RSPH3: variants seen among roughly 807,000 people sequenced by gnomAD.
RSPH3 encodes the protein radial spoke head 3, also known as radial spoke head protein 3 homolog.
Under a neutral mutation model 43.8 loss-of-function variants are expected in RSPH3, and 21 were observed. The observed-to-expected ratio is 0.48, with a 90% confidence interval of 0.34 to 0.69. The LOEUF is 0.69. RSPH3 is among the 30% of genes least tolerant of loss of function. The pLI, the probability that RSPH3 is intolerant of heterozygous loss-of-function variation, is 0.01. For missense variants in RSPH3, 487 were observed against 516.0 expected, an observed-to-expected ratio of 0.94 and a Z score of 0.54; for synonymous variants, 173 against 179.8, an observed-to-expected ratio of 0.96 and a Z score of 0.30.
intron 3 of RSPH3, among the ~76,000 whole-genome samples, chr6:158,984,431 C>CA (rs1778145524): frequency 5.4e-5 from 3 of 55,532 alleles, no homozygotes; most frequent in African/African-American, 2.1e-4. Flanking sequence ...GATAAAAAGT[C>CA]AATTATATAT....
intron 1 of RSPH3, among the ~76,000 whole-genome samples, chr6:158,998,872 AAAC>A (rs1013505771): frequency 1.5e-4 from 23 of 151,506 alleles, no homozygotes; most frequent in African/African-American, 4.9e-4. Context: ...CTCCGTCTCA[AAAC>A]AACAACAGCA....
downstream of RSPH3, among the ~76,000 whole-genome samples, chr6:158,970,814 G>A (rs888456899): frequency 2.6e-5 from 4 of 152,184 alleles, no homozygotes; most frequent in Non-Finnish European, 5.9e-5. Flanking sequence ...GCCTGCCAAA[G>A]TGCTGGGATT....
the RSPH3 span, among the ~76,000 whole-genome samples, chr6:158,967,086 T>C: frequency 1.3e-5 from 2 of 152,130 alleles, no homozygotes; most frequent in African/African-American, 4.8e-5. Flanking sequence ...CATGCATCAC[T>C]GTAGCCTTGA....
At chr6:158,987,879 T>A (rs1330275622) in intron 2 of RSPH3, among the ~76,000 whole-genome samples, 1 of 152,248 alleles carries the variant, frequency 6.6e-6, no homozygotes, top group East Asian at 1.9e-4. Flanking sequence ...GGCCTCATAG[T>A]AGAATTATGA....
chr6:158,992,947 T>G (rs1478295587), intron 2 of RSPH3, among the ~76,000 whole-genome samples: 3 of 152,150 alleles, frequency 2.0e-5, no homozygotes, highest in Non-Finnish European at 4.4e-5. Context: ...TATTAGAGTA[T>G]GAGATAATCT....
intron 5 of RSPH3, among the ~76,000 whole-genome samples, chr6:158,981,228 C>A (rs1055251347): frequency 6.6e-6 from 1 of 151,994 alleles, no homozygotes; most frequent in African/African-American, 2.4e-5. Context: ...AAGATAATCA[C>A]CATTATATGT....
the RSPH3 span, among the ~76,000 whole-genome samples, chr6:158,963,111 T>TG: frequency 0.018 from 2,709 of 152,110 alleles, 34 homozygotes; most frequent in Middle Eastern, 0.024. Context: ...CTGAATAATA[T>TG]GAAAAACACA....
At chr6:158,967,991 T>C (rs186770850), downstream of RSPH3, among the ~76,000 whole-genome samples, 39 of 152,224 alleles carry the variant, frequency 2.6e-4, no homozygotes, top group Admixed American at 2.2e-3. Context: ...CTAATAGTAT[T>C]GTTGGGTTAT....
At chr6:158,977,917 T>C in intron 7 of RSPH3, 69 bp from the exon 8 acceptor site, 1 of 1,329,974 alleles carries the variant, frequency 7.5e-7, no homozygotes, top group South Asian at 1.4e-5. Context: ...GTTATAATGC[T>C]CACTTATAGA....
At position 158,974,426 on chromosome 6, in the gene RSPH3, CA is replaced by C. The variant is rs770862608; in HGVS notation, c.*3111del. On this transcript the variant is annotated 3_prime_UTR_variant, in exon 8 of 8. Coordinates refer to ENST00000367069, the MANE Select transcript of RSPH3 (RefSeq NM_031924.8). The stretch of plus-strand genomic sequence containing the variant: ...CTGGAAGAGTTTTATGTTCCCAAAC[CA>C]TTTGCAAAAGTTGCTTACAGTTATG... 9.2e-5 allele frequency: 14 copies of C among 152,280 alleles called. No homozygotes were observed. The highest frequency in any genetic ancestry group is 1.3e-4 in the Non-Finnish European group (9 of 68,024). 9.4% of individuals were successfully genotyped at this position (152,280 alleles called of 1,614,324 possible). A position where few individuals can be genotyped will look rare whatever the true frequency, so the allele number is the denominator to read the frequency against.
At chr6:158,964,425 T>A in the RSPH3 span, among the ~76,000 whole-genome samples, 1 of 152,216 alleles carries the variant, frequency 6.6e-6, no homozygotes, top group Non-Finnish European at 1.5e-5. Flanking sequence ...ATGTGACCAG[T>A]GTCATGTCAT....
intron 6 of RSPH3, among the ~76,000 whole-genome samples, chr6:158,980,322 G>C (rs1438365877): frequency 6.6e-6 from 1 of 152,052 alleles, no homozygotes; most frequent in Non-Finnish European, 1.5e-5. Context: ...CAGCTACTCG[G>C]AAGGCCGAGG....
chr6:158,965,106 C>T, the RSPH3 span, among the ~76,000 whole-genome samples: 1,419 of 152,156 alleles, frequency 9.3e-3, 19 homozygotes, highest in African/African-American at 0.033. Context: ...AATTAATTGA[C>T]CATAGATGTA....
intron 4 of RSPH3, 31 bp downstream of exon 4, chr6:158,983,631 T>A: frequency 6.4e-7 from 1 of 1,569,010 alleles, no homozygotes; most frequent in Non-Finnish European, 8.8e-7. Context: ...TTATAAAGAT[T>A]ATAGAGGGAA....
intron 2 of RSPH3, among the ~76,000 whole-genome samples, chr6:158,987,578 G>C (rs1432748264): frequency 6.6e-6 from 1 of 151,922 alleles, no homozygotes; most frequent in African/African-American, 2.4e-5. Flanking sequence ...ACTTTATCTG[G>C]TAGTATATTT....
intron 2 of RSPH3, among the ~76,000 whole-genome samples, chr6:158,990,974 T>C (rs1778385662): frequency 6.6e-6 from 1 of 152,092 alleles, no homozygotes; most frequent in East Asian, 1.9e-4. Flanking sequence ...TACTGACTGT[T>C]TCCTATGCCA....
At chr6:158,968,705 T>G (rs138315844), downstream of RSPH3, among the ~76,000 whole-genome samples, 281 of 152,234 alleles carry the variant, frequency 1.8e-3, no homozygotes, top group Non-Finnish European at 3.4e-3. Flanking sequence ...TGTAGTAGTA[T>G]TATTATTTAT....
chr6:158,980,669 A>C, intron 6 of RSPH3, 105 bp downstream of exon 6: 6 of 916,054 alleles, frequency 6.5e-6, no homozygotes, highest in Non-Finnish European at 9.9e-6. Flanking sequence ...TTGTGTCAGA[A>C]ATAGAAAGAC....
downstream of RSPH3, among the ~76,000 whole-genome samples, chr6:158,970,670 T>C (rs1777685298): frequency 6.6e-6 from 1 of 151,836 alleles, no homozygotes; most frequent in Non-Finnish European, 1.5e-5. Flanking sequence ...CTCAGCCTCC[T>C]GAGTAGCTGG....
Sources: allele counts gnomAD v4.1 joint callset (sites outside exome capture counted in the v4.1 genomes callset), GRCh38; gene constraint gnomAD v4.1.1; transcripts MANE v1.5; gene names NCBI Gene and HGNC (gene_info 2026-07-23, HGNC 2026-07-21).